The following ARHGEF11 variants were observed in gnomAD, a reference collection of about 807,000 sequenced individuals.
ARHGEF11 encodes Rho guanine exchange factor (GEF) 11.
Under a neutral mutation model 193.7 loss-of-function variants are expected in ARHGEF11, and 55 were observed. The ratio of observed to expected loss-of-function variants is 0.28; its 90% CI spans 0.23 to 0.36. The LOEUF (loss-of-function observed/expected upper bound fraction) is 0.36, where lower values mean the gene tolerates loss of function less well. Among genes scored for constraint, ARHGEF11 ranks in the 10% least tolerant of loss-of-function variants. The pLI is 1.00. For missense variants in ARHGEF11, 1,723 were observed against 2,005.6 expected (o/e 0.86, Z 2.69); for synonymous variants, 693 against 768.0 (o/e 0.90, Z 1.62).
At chr1:157,013,318 G>A (rs1272041705) in intron 1 of ARHGEF11, among the ~76,000 whole-genome samples, 2 of 85,454 alleles carry the variant, frequency 2.3e-5, no homozygotes, top group Admixed American at 2.3e-4. Context: ...CTTCTCCGGT[G>A]GGTGGGTTTC....
At chr1:157,017,080 G>A (rs822573) in intron 1 of ARHGEF11, among the ~76,000 whole-genome samples, 147,094 of 152,284 alleles carry the variant, frequency 0.97, 71,260 homozygotes, top group Middle Eastern at 1. Context: ...TTCCTTTCAG[G>A]CTCCCCATAA....
chr1:157,036,415 G>A (rs1305044960), intron 1 of ARHGEF11, among the ~76,000 whole-genome samples: 2 of 151,752 alleles, frequency 1.3e-5, no homozygotes, highest in East Asian at 1.9e-4. Context: ...TCTGTCTCCC[G>A]GGTTCAAGTG....
intron 8 of ARHGEF11, among the ~76,000 whole-genome samples, chr1:156,971,111 A>C (rs2102304780): frequency 6.6e-6 from 1 of 152,350 alleles, no homozygotes; most frequent in Middle Eastern, 3.4e-3. Flanking sequence ...CCCAAGAATT[A>C]AGGCCTGATG....
intron 1 of ARHGEF11, among the ~76,000 whole-genome samples, chr1:157,012,280 C>A (rs993571475): frequency 2.0e-5 from 3 of 152,046 alleles, no homozygotes; most frequent in African/African-American, 7.3e-5. Flanking sequence ...TCAGAATAGG[C>A]AAATTCATAG....
chr1:157,021,671 G>A (rs1333369112), intron 1 of ARHGEF11, among the ~76,000 whole-genome samples: 2 of 152,324 alleles, frequency 1.3e-5, no homozygotes, highest in East Asian at 3.9e-4. Flanking sequence ...CAAAAGTCTT[G>A]CATTCCTGTT....
intron 7 of ARHGEF11, among the ~76,000 whole-genome samples, chr1:156,976,359 A>T (rs1162912476): frequency 2.0e-5 from 3 of 151,932 alleles, no homozygotes; most frequent in African/African-American, 7.3e-5. Flanking sequence ...TTGTTCTCTT[A>T]TTGTAAGCTC....
At chr1:156,967,532 A>AG (rs1661848140) in intron 11 of ARHGEF11, among the ~76,000 whole-genome samples, 1 of 151,500 alleles carries the variant, frequency 6.6e-6, no homozygotes, top group Non-Finnish European at 1.5e-5. Flanking sequence ...CCTTGAGGGC[A>AG]GGGGGAGGTT....
intron 39 of ARHGEF11, 114 bp downstream of exon 39, chr1:156,937,135 C>T: frequency 1.3e-6 from 2 of 1,571,354 alleles, no homozygotes; most frequent in Admixed American, 1.8e-5. Context: ...GGGGAAGATC[C>T]CTGGGCCAGG....
chr1:157,040,845 C>T (rs577688719), intron 1 of ARHGEF11, among the ~76,000 whole-genome samples: 213 of 152,298 alleles, frequency 1.4e-3, no homozygotes, highest in African/African-American at 5.1e-3. Context: ...TGATTTGCTC[C>T]TTTCAATAGG....
intron 15 of ARHGEF11, 34 bp downstream of exon 15, chr1:156,960,384 A>C: frequency 2.5e-6 from 4 of 1,612,442 alleles, no homozygotes; most frequent in Non-Finnish European, 2.5e-6. Context: ...GAAAGCTACC[A>C]AGAAGAGACT....
In ARHGEF11 at chr1:156,996,689, C is replaced by T. The variant is rs138470665; in HGVS notation, c.33-10516G>A. ...TCGGGAGGCTGAGGCAGGAGAATGG[C>T]GTGAACCCGGGGGGCGGAGCTTGCA... On this transcript the variant is annotated intron_variant, in intron 1 of 40. Transcript: ENST00000368194. Among the ~76,000 whole-genome samples, 811 of 144,414 alleles carry T rather than the reference C, an allele frequency of 5.6e-3. 9 individuals are homozygous for T. The highest frequency in any genetic ancestry group is 0.019 in the African/African-American group (753 of 39,124). The allele number at this position is 144,414 out of a possible 152,430, so 94.7% of individuals were successfully genotyped here. A position where few individuals can be genotyped will look rare whatever the true frequency, so the allele number is the denominator to read the frequency against.
chr1:156,947,835 T>C lies in ARHGEF11; in HGVS notation c.2275A>G (p.Thr759Ala), dbSNP rs1000478158. Reference protein sequence around the residue: ...PEPDAQNWQHTVGKDVVAGLT... With the variant: ...PEPDAQNWQHAVGKDVVAGLT... ...CCAGCCACCACATCCTTGCCCACTG[T>C]ATGCTGCCAATTTTGGGCATCTGGC... is the stretch of plus-strand genomic sequence containing the variant. The change falls in exon 25 of 41, where the codon ACA becomes GCA. Residue 759 changes from threonine to alanine, a missense_variant. By Grantham distance (58) the Thr-to-Ala change is moderately conservative. This residue lies in a region of ARHGEF11 where 491 missense variants were observed against 654.5 expected (regional missense o/e 0.75). Coordinates refer to ENST00000368194, the MANE Select transcript of ARHGEF11 (RefSeq NM_198236.3). 1 of 1,614,064 alleles carries C rather than the reference T, an allele frequency of 6.2e-7. No homozygotes were observed. The highest frequency in any genetic ancestry group is 8.5e-7 in the Non-Finnish European group (1 of 1,180,006).
At chr1:157,033,050 T>C (rs950401456) in intron 1 of ARHGEF11, among the ~76,000 whole-genome samples, 1 of 152,140 alleles carries the variant, frequency 6.6e-6, no homozygotes, top group Non-Finnish European at 1.5e-5. Context: ...GACAGTCTTA[T>C]GCTTCTGCTG....
At chr1:156,995,603 T>G (rs541080465) in intron 1 of ARHGEF11, among the ~76,000 whole-genome samples, 2 of 151,648 alleles carry the variant, frequency 1.3e-5, no homozygotes, top group African/African-American at 4.8e-5. Flanking sequence ...TTGCCCAGGC[T>G]GGAGTGCAGT....
chr1:156,947,482 A>G (rs775938362), intron 25 of ARHGEF11, 32 bp from the exon 26 acceptor site: 3 of 1,556,328 alleles, frequency 1.9e-6, no homozygotes, highest in Non-Finnish European at 2.6e-6. Flanking sequence ...GAGGGTAGAA[A>G]GCCAGGGAGA....
chr1:156,961,815 C>T, intron 13 of ARHGEF11, 40 bp from the exon 14 acceptor site: 1 of 1,587,734 alleles, frequency 6.3e-7, no homozygotes, highest in Non-Finnish European at 8.6e-7. Flanking sequence ...GTGGTTCTCC[C>T]CCAGCAGTGA....
intron 34 of ARHGEF11, 36 bp downstream of exon 34, chr1:156,941,828 G>C: frequency 1.3e-6 from 2 of 1,570,188 alleles, no homozygotes; most frequent in East Asian, 2.2e-5. Flanking sequence ...GTTTGGAGTG[G>C]AGAGAGTGCA....
At chr1:156,968,425 AC>A (rs1662021879) in intron 10 of ARHGEF11, among the ~76,000 whole-genome samples, 2 of 152,156 alleles carry the variant, frequency 1.3e-5, no homozygotes, top group Non-Finnish European at 2.9e-5. Flanking sequence ...CCTGGACTTA[AC>A]CCAGGCAGCC....
intron 15 of ARHGEF11, among the ~76,000 whole-genome samples, 191 bp from the exon 16 acceptor site, chr1:156,959,333 C>T (rs1234151177): frequency 2.0e-5 from 3 of 152,216 alleles, no homozygotes; most frequent in African/African-American, 4.8e-5. Flanking sequence ...GGACTGGATG[C>T]TGATATCTAA....
Sources: allele counts gnomAD v4.1 joint callset (sites outside exome capture counted in the v4.1 genomes callset), GRCh38; gene constraint gnomAD v4.1.1; regional missense constraint gnomAD v4.1.1; transcripts MANE v1.5; gene names NCBI Gene and HGNC (gene_info 2026-07-23, HGNC 2026-07-21).